The following SLC25A24 variants were observed in gnomAD, a reference collection of about 807,000 sequenced individuals.
The protein encoded by SLC25A24 is mitochondrial adenyl nucleotide antiporter SLC25A24.
In SLC25A24, 49 loss-of-function variants were observed where a neutral mutation model predicts 60.7. The ratio of observed to expected loss-of-function variants is 0.81; its 90% CI spans 0.64 to 1.02. The LOEUF is 1.02. Ranked by LOEUF, SLC25A24 falls within the 50% of genes least tolerant of loss-of-function variation. The pLI, the probability that SLC25A24 is intolerant of heterozygous loss-of-function variation, is 0.00. For missense variants in SLC25A24, 564 were observed against 586.3 expected (o/e 0.96, Z 0.39); for synonymous variants, 202 against 200.6 (o/e 1.01, Z -0.06).
chr1:108,165,592 T>C (rs1680226859), intron 3 of SLC25A24, among the ~76,000 whole-genome samples: 1 of 152,164 alleles, frequency 6.6e-6, no homozygotes, highest in South Asian at 2.1e-4. Flanking sequence ...TAAAGTCTGT[T>C]TTATCAGAGA....
chr1:108,161,787 C>G (rs565518077), intron 3 of SLC25A24, among the ~76,000 whole-genome samples: 2 of 151,852 alleles, frequency 1.3e-5, no homozygotes, highest in Non-Finnish European at 2.9e-5. Context: ...AGTGACTGTG[C>G]CTTTGAGTCT....
At position 108,136,745 on chromosome 1, in the gene SLC25A24, T is replaced by C; in HGVS notation, c.1342A>G (p.Thr448Ala). ...EGIPGLYRGI[T>A]PNFMKVLPAV... ...GGGAGCACCTTCATGAAGTTTGGGGTGATGCCTCTGTAAAGTCCTGGTATT... is the reference window on the plus strand; with the variant it reads ...GGGAGCACCTTCATGAAGTTTGGGGCGATGCCTCTGTAAAGTCCTGGTATT... Residue 448 changes from threonine to alanine, a missense_variant, in exon 10 of 10, where the codon ACC becomes GCC. Coordinates refer to ENST00000565488, the MANE Select transcript of SLC25A24 (RefSeq NM_013386.5). The C allele has an allele frequency of 6.2e-7, 1 of 1,614,084 alleles. No homozygotes were observed. The highest frequency in any genetic ancestry group is 1.1e-5 in the South Asian group (1 of 91,086).
At position 108,189,765 on chromosome 1, in the gene SLC25A24, A is replaced by G. The variant is rs138343578; in HGVS notation, c.184-3811T>C. Among the ~76,000 whole-genome samples, 323 of 151,346 alleles carry G rather than the reference A, an allele frequency of 2.1e-3. 2 individuals are homozygous for G. The highest frequency in any genetic ancestry group is 7.5e-3 in the African/African-American group (311 of 41,268). ...CGGTAGACAGAGGTTGCAGTGAACC[A>G]AGACTGCACCCCTGCACTCAGCCTG... On this transcript the variant is annotated intron_variant, in intron 1 of 9. Transcript: ENST00000565488.
intron 1 of SLC25A24, 77 bp downstream of exon 1, chr1:108,199,879 G>A (rs1166753959): frequency 4.3e-6 from 5 of 1,157,360 alleles, no homozygotes; most frequent in South Asian, 2.8e-5. Context: ...TCAAGCCGCC[G>A]CCCTCCTCGG....
At chr1:108,180,643 T>C (rs1032673248) in intron 3 of SLC25A24, among the ~76,000 whole-genome samples, 3 of 149,208 alleles carry the variant, frequency 2.0e-5, no homozygotes, top group East Asian at 2.0e-4. Flanking sequence ...TCTCTCTCTC[T>C]CTCTCTCTCT....
chr1:108,186,881 C>G (rs931757897), intron 1 of SLC25A24, among the ~76,000 whole-genome samples: 2 of 151,980 alleles, frequency 1.3e-5, no homozygotes, highest in African/African-American at 4.8e-5. Flanking sequence ...AGTTCAAGAC[C>G]AACCTGACCA....
At chr1:108,139,399 C>T (rs1464391339) in intron 8 of SLC25A24, among the ~76,000 whole-genome samples, 191 bp from the exon 9 acceptor site, 1 of 152,198 alleles carries the variant, frequency 6.6e-6, no homozygotes, top group Non-Finnish European at 1.5e-5. Context: ...GTGCGGAACA[C>T]ATGAGGTTTG....
chr1:108,172,911 GTAA>G (rs549034051), intron 3 of SLC25A24, among the ~76,000 whole-genome samples: 2,677 of 151,564 alleles, frequency 0.018, 40 homozygotes, highest in Non-Finnish European at 0.031. Context: ...ATAAACACTA[GTAA>G]TAATAATAAT....
chr1:108,158,724 C>T (rs1317187745), intron 4 of SLC25A24, among the ~76,000 whole-genome samples: 1 of 146,028 alleles, frequency 6.8e-6, no homozygotes, highest in Non-Finnish European at 1.5e-5. Context: ...AAAAAAAGGC[C>T]GGGCACAGTG....
At chr1:108,169,243 G>A (rs1647357551) in intron 3 of SLC25A24, among the ~76,000 whole-genome samples, 1 of 152,128 alleles carries the variant, frequency 6.6e-6, no homozygotes, top group East Asian at 1.9e-4. Flanking sequence ...GATAGGGCAG[G>A]CCCCTGGCTC....
intron 3 of SLC25A24, among the ~76,000 whole-genome samples, chr1:108,174,094 A>G (rs1202481561): frequency 6.6e-6 from 1 of 152,266 alleles, no homozygotes; most frequent in African/African-American, 2.4e-5. Flanking sequence ...AGAAATCTGC[A>G]TAAGAAACAA....
intron 2 of SLC25A24, among the ~76,000 whole-genome samples, chr1:108,185,237 C>T (rs1648074925): frequency 6.6e-6 from 1 of 152,176 alleles, no homozygotes; most frequent in South Asian, 2.1e-4. Context: ...TACTCCATTA[C>T]AGCAACAGAA....
intron 1 of SLC25A24, among the ~76,000 whole-genome samples, chr1:108,193,287 T>G (rs561346722): frequency 1.4e-5 from 2 of 138,300 alleles, no homozygotes; most frequent in African/African-American, 5.0e-5. Context: ...ATCACCCAGG[T>G]TGTGAACAAA....
At chr1:108,159,464 G>GTTTT (rs60246776) in intron 4 of SLC25A24, among the ~76,000 whole-genome samples, 1 of 131,074 alleles carries the variant, frequency 7.6e-6, no homozygotes. Flanking sequence ...GTCTTGGGTT[G>GTTTT]TTTTTTTTTT....
intron 1 of SLC25A24, among the ~76,000 whole-genome samples, chr1:108,194,920 T>C (rs1648445861): frequency 6.6e-6 from 1 of 152,198 alleles, no homozygotes; most frequent in Non-Finnish European, 1.5e-5. Context: ...GGTGAAAACA[T>C]TTGAACCCTG....
intron 3 of SLC25A24, among the ~76,000 whole-genome samples, chr1:108,165,499 T>C (rs1460967420): frequency 6.6e-6 from 1 of 152,142 alleles, no homozygotes; most frequent in Non-Finnish European, 1.5e-5. Context: ...CATATATATT[T>C]AGGATAGTTA....
chr1:108,155,719 G>T (rs1179266409), intron 5 of SLC25A24, among the ~76,000 whole-genome samples: 1 of 151,920 alleles, frequency 6.6e-6, no homozygotes, highest in African/African-American at 2.4e-5. Flanking sequence ...ACCCTCTTTG[G>T]CATATTTTGA....
chr1:108,164,340 T>C (rs1284936158), intron 3 of SLC25A24, among the ~76,000 whole-genome samples: 7 of 150,286 alleles, frequency 4.7e-5, no homozygotes, highest in Non-Finnish European at 7.5e-5. Flanking sequence ...TCTTTTTCTA[T>C]TGATTGGAAT....
chr1:108,173,671 A>G (rs1479792646), intron 3 of SLC25A24, among the ~76,000 whole-genome samples: 1 of 152,202 alleles, frequency 6.6e-6, no homozygotes, highest in African/African-American at 2.4e-5. Context: ...GAAGACTGGG[A>G]AAGTTTGGAA....
Sources: allele counts gnomAD v4.1 joint callset (sites outside exome capture counted in the v4.1 genomes callset), GRCh38; gene constraint gnomAD v4.1.1; transcripts MANE v1.5; gene names NCBI Gene and HGNC (gene_info 2026-07-23, HGNC 2026-07-21).